The following PEAK1 variants were observed in gnomAD, a reference collection of about 807,000 sequenced individuals.
PEAK1 encodes the protein inactive tyrosine-protein kinase PEAK1.
A neutral mutation model predicts 124.7 loss-of-function variants in PEAK1; 54 were observed. The observed-to-expected ratio is 0.43, with a 90% CI of 0.35 to 0.54. The LOEUF is 0.54. Ranked by LOEUF, PEAK1 falls within the 20% of genes least tolerant of loss-of-function variation. The probability of loss-of-function intolerance (pLI) is 0.01; values close to 1 mark genes in which losing one functional copy is unlikely to be tolerated. For missense variants in PEAK1, 2,046 were observed against 2,134.5 expected (o/e 0.96, Z 0.82); for synonymous variants, 719 against 760.0 (o/e 0.95, Z 0.89).
intron 2 of PEAK1, chr15:77,347,885 C>A (rs556776711): frequency 2.6e-4 from 255 of 983,242 alleles, no homozygotes; most frequent in Non-Finnish European, 3.0e-4. Context: ...ATAAAATATA[C>A]CTACTAAAAA....
At chr15:77,237,044 T>G (rs2060155849) in intron 6 of PEAK1, among the ~76,000 whole-genome samples, 1 of 152,178 alleles carries the variant, frequency 6.6e-6, no homozygotes, top group Non-Finnish European at 1.5e-5. Context: ...AGGTGTGAGC[T>G]GCTGCACCTG....
chr15:77,402,744 A>G, intron 1 of PEAK1: 1 of 985,424 alleles, frequency 1.0e-6, no homozygotes, highest in Non-Finnish European at 1.2e-6. Flanking sequence ...CCAGGAAACA[A>G]TAAAGCAGAC....
At chr15:77,348,899 C>T (rs1333220340) in intron 2 of PEAK1, 20 of 946,732 alleles carry the variant, frequency 2.1e-5, no homozygotes, top group East Asian at 1.2e-4. Context: ...GCCTTGGCCT[C>T]GCAAAGTGCT....
At chr15:77,262,025 G>A (rs2061467502) in intron 5 of PEAK1, among the ~76,000 whole-genome samples, 2 of 152,010 alleles carry the variant, frequency 1.3e-5, no homozygotes, top group South Asian at 2.1e-4. Context: ...CATAAGTGAA[G>A]GAGAAATAAA....
At chr15:77,253,612 T>G (rs1392805515) in intron 5 of PEAK1, among the ~76,000 whole-genome samples, 1 of 152,192 alleles carries the variant, frequency 6.6e-6, no homozygotes, top group East Asian at 1.9e-4. Context: ...TTACTTTACC[T>G]TCATTTTTGA....
intron 5 of PEAK1, chr15:77,255,420 C>T: frequency 2.1e-6 from 2 of 968,984 alleles, no homozygotes; most frequent in Non-Finnish European, 2.5e-6. Flanking sequence ...AAGTTCTTCT[C>T]TCCCTGCATT....
intron 5 of PEAK1, among the ~76,000 whole-genome samples, chr15:77,282,039 C>A (rs541054324): frequency 1.3e-5 from 2 of 152,240 alleles, no homozygotes; most frequent in East Asian, 1.9e-4. Flanking sequence ...AAAGAAAAAA[C>A]CAATCAATAT....
intron 5 of PEAK1, among the ~76,000 whole-genome samples, chr15:77,274,875 T>C (rs1354455839): frequency 6.6e-6 from 1 of 152,328 alleles, no homozygotes; most frequent in Middle Eastern, 3.4e-3. Context: ...TGCATGTTTA[T>C]AGCAGCACAA....
intron 1 of PEAK1, among the ~76,000 whole-genome samples, chr15:77,410,375 T>C (rs1171656984): frequency 6.6e-6 from 1 of 152,226 alleles, no homozygotes; most frequent in Non-Finnish European, 1.5e-5. Context: ...TCTGCCTGCC[T>C]TGGCCTCCCA....
At chr15:77,203,633 T>C (rs1222266986) in intron 6 of PEAK1, among the ~76,000 whole-genome samples, 1 of 151,090 alleles carries the variant, frequency 6.6e-6, no homozygotes, top group Non-Finnish European at 1.5e-5. Flanking sequence ...ACAAATACAG[T>C]CAATTGATCT....
chr15:77,124,490 G>T lies in PEAK1; in HGVS notation c.4077+8515C>A, dbSNP rs534586892. Among the ~76,000 whole-genome samples the T allele has an allele frequency of 1.8e-4, 27 of 152,304 alleles. No homozygotes were observed. The South Asian group carries it at 5.4e-3, about 30-fold the overall frequency. ...TAATGGCATCACCATTCTCTTGGAG[G>T]TTGTTCTACCTTGAAATTTTAGCAT... On this transcript the variant is annotated intron_variant, in intron 9 of 9. Transcript: ENST00000682557.
intron 2 of PEAK1, among the ~76,000 whole-genome samples, chr15:77,343,057 C>T (rs554797324): frequency 3.9e-5 from 6 of 152,334 alleles, no homozygotes; most frequent in South Asian, 2.1e-4. Flanking sequence ...ATAGCAGCTG[C>T]ACCATTTTAT....
intron 6 of PEAK1, among the ~76,000 whole-genome samples, chr15:77,191,929 G>A (rs1195094270): frequency 2.0e-5 from 3 of 152,152 alleles, no homozygotes; most frequent in Non-Finnish European, 4.4e-5. Context: ...CCTGTGGTCT[G>A]TATAGATCAA....
intron 2 of PEAK1, among the ~76,000 whole-genome samples, chr15:77,338,909 A>G (rs1306558858): frequency 6.6e-6 from 1 of 151,960 alleles, no homozygotes; most frequent in East Asian, 1.9e-4. Context: ...CCTTATAGTA[A>G]AAAAGTGTCT....
At chr15:77,203,038 GAAA>G (rs528246915) in intron 6 of PEAK1, among the ~76,000 whole-genome samples, 4 of 80,462 alleles carry the variant, frequency 5.0e-5, no homozygotes, top group Non-Finnish European at 2.6e-5. Context: ...CCCTGTCTCA[GAAA>G]AAAAAAAAAA....
At chr15:77,273,330 CTGTT>C (rs2062135378) in intron 5 of PEAK1, among the ~76,000 whole-genome samples, 1 of 152,172 alleles carries the variant, frequency 6.6e-6, no homozygotes, top group Non-Finnish European at 1.5e-5. Context: ...CAAACTGTCA[CTGTT>C]TGCTGATGAC....
intron 2 of PEAK1, among the ~76,000 whole-genome samples, chr15:77,303,629 T>C (rs530639369): frequency 5.3e-4 from 80 of 152,338 alleles, no homozygotes; most frequent in African/African-American, 1.9e-3. Flanking sequence ...AAGAGTTCTT[T>C]GTATATTTTG....
chr15:77,279,416 C>T (rs941194964), intron 5 of PEAK1, among the ~76,000 whole-genome samples: 3 of 152,030 alleles, frequency 2.0e-5, no homozygotes, highest in African/African-American at 7.2e-5. Flanking sequence ...TCCCTTTAAC[C>T]CAGACATCTG....
intron 6 of PEAK1, among the ~76,000 whole-genome samples, chr15:77,193,485 G>A (rs2057946038): frequency 6.6e-6 from 1 of 152,122 alleles, no homozygotes; most frequent in Admixed American, 6.5e-5. Context: ...ATGTTAATTT[G>A]AGTGGAGATA....
Sources: allele counts gnomAD v4.1 joint callset (sites outside exome capture counted in the v4.1 genomes callset), GRCh38; gene constraint gnomAD v4.1.1; transcripts MANE v1.5; gene names NCBI Gene and HGNC (gene_info 2026-07-23, HGNC 2026-07-21).